The following KIF5B variants were observed in gnomAD, a reference collection of about 807,000 sequenced individuals.
The protein encoded by KIF5B is kinesin-1 heavy chain.
Under a neutral mutation model 132.8 loss-of-function variants are expected in KIF5B, and 49 were observed. The ratio of observed to expected loss-of-function variants is 0.37; its 90% CI spans 0.29 to 0.47. KIF5B has a LOEUF of 0.47. KIF5B is among the 20% of genes least tolerant of loss of function. KIF5B has a pLI of 1.00. For synonymous variants in KIF5B, 355 were observed against 369.4 expected (o/e 0.96, Z 0.45); for missense variants, 780 against 1,144.0 (o/e 0.68, Z 4.59).
Position 32,012,737 on chromosome 10 carries a change from T to A in KIF5B, c.*21-1221A>T, listed in dbSNP as rs1464480872. On this transcript the variant is annotated intron_variant, in intron 25 of 25. Transcript: ENST00000302418. ...TCCTCTCTCTACAATGAGGTAAGTT[T>A]AAAGTTGACATATGAATTTTAATGT... Among the ~76,000 whole-genome samples, 3 of 152,286 alleles carry A rather than the reference T, an allele frequency of 2.0e-5. No homozygotes were observed. The East Asian group carries it at 5.8e-4, about 29-fold the overall frequency.
chr10:32,015,426 T>C (rs569386112), intron 25 of KIF5B, 83 bp downstream of exon 25: 1 of 1,042,138 alleles, frequency 9.6e-7, no homozygotes, highest in South Asian at 1.8e-5. Context: ...AACACTAATG[T>C]GAGAATTTTT....
At chr10:32,046,029 C>T (rs1033476124) in intron 2 of KIF5B, among the ~76,000 whole-genome samples, 2 of 152,004 alleles carry the variant, frequency 1.3e-5, no homozygotes, top group Non-Finnish European at 2.9e-5. Flanking sequence ...ATAGACTTAT[C>T]AAATGTGCTG....
rs958903131 is a variant in KIF5B at position 32,034,318 on chromosome 10, G to C, written c.1112-280C>G. 3.9e-5 allele frequency among the ~76,000 whole-genome samples: 6 copies of C among 152,064 alleles called. No individual in the cohort carries two copies. In the East Asian group the frequency reaches 7.7e-4, roughly 20 times the overall value. ...GTAGAGATGGGGTTTCAACATGTTG[G>C]CCAGGCTGGTCTCTAACTCCTGACC... is the stretch of plus-strand genomic sequence containing the variant. On this transcript the variant is annotated intron_variant, in intron 11 of 25. Transcript: ENST00000302418.
intron 5 of KIF5B, among the ~76,000 whole-genome samples, 173 bp downstream of exon 5, chr10:32,038,605 C>G (rs925576390): frequency 1.1e-4 from 17 of 152,100 alleles, no homozygotes; most frequent in Admixed American, 9.2e-4. Flanking sequence ...TCGCTTTAAA[C>G]TAGTTATTCT....
chr10:32,034,836 G>A lies in KIF5B; in HGVS notation c.965C>T (p.Ala322Val). The change falls in exon 11 of 26, where the codon GCC (alanine) becomes GTC (valine). Residue 322 changes from alanine (A) to valine (V), a missense_variant and splice_region_variant. This residue lies in a region of KIF5B where 15 missense variants were observed against 34.4 expected (regional missense o/e 0.44). Coordinates refer to ENST00000302418, the MANE Select transcript of KIF5B (RefSeq NM_004521.3). Reference protein sequence around the residue: ...TKSTLLFGQRAKTIKNTVCVN... With the variant: ...TKSTLLFGQRVKTIKNTVCVN... Reference sequence around the variant, plus strand: ...ACAAACTGTGTTCTTAATTGTTTTGGCCCTAAGAGATGTAATTGGAGGAAA... The same window carrying A: ...ACAAACTGTGTTCTTAATTGTTTTGACCCTAAGAGATGTAATTGGAGGAAA... 1 of 1,571,450 alleles carries A rather than the reference G, an allele frequency of 6.4e-7. No homozygotes were observed. Among genetic ancestry groups the A allele is most frequent in the Non-Finnish European group, 8.6e-7 (1 of 1,165,094 alleles).
chr10:32,034,436 C>G (rs758619491), intron 11 of KIF5B, among the ~76,000 whole-genome samples: 2 of 152,148 alleles, frequency 1.3e-5, no homozygotes, highest in Non-Finnish European at 2.9e-5. Flanking sequence ...TTTTTCTTCT[C>G]TGTGTTATTT....
Position 32,056,409 on chromosome 10 carries a change from G to C in KIF5B, c.-436C>G. ...CCGACTGCTGCCCGATCACTCCTGAGGCCGCCGTTGGGCGACAGGGCGGTG... is the reference window on the plus strand; with the variant it reads ...CCGACTGCTGCCCGATCACTCCTGACGCCGCCGTTGGGCGACAGGGCGGTG... On this transcript the variant is annotated 5_prime_UTR_variant, in exon 1 of 26. Transcript: ENST00000302418. The C allele has an allele frequency of 5.6e-6, 1 of 178,120 alleles. No individual in the cohort carries two copies. Among genetic ancestry groups the C allele is most frequent in the Non-Finnish European group, 1.2e-5 (1 of 83,610 alleles). The allele number at this position is 178,120 out of a possible 1,614,324, so 11.0% of individuals were successfully genotyped here.
chr10:32,035,703 T>C (rs1411019382), intron 9 of KIF5B, 36 bp from the exon 10 acceptor site: 2 of 1,562,536 alleles, frequency 1.3e-6, no homozygotes, highest in Admixed American at 1.9e-5. Flanking sequence ...ACAAGACCAG[T>C]ATAATAAAAT....
At chr10:32,055,714 A>ACCGGCAAACCCCGCCGGGGAGGG in intron 1 of KIF5B, 134 bp downstream of exon 1, 1 of 1,246,442 alleles carries the variant, frequency 8.0e-7, no homozygotes, top group Non-Finnish European at 1.1e-6. Flanking sequence ...GGTTATCTGA[A>ACCGGCAAACCCCGCCGGGGAGGG]CCGGCAAACC....
At chr10:32,024,744 G>C (rs900527599) in intron 15 of KIF5B, among the ~76,000 whole-genome samples, 1 of 151,630 alleles carries the variant, frequency 6.6e-6, no homozygotes, top group Non-Finnish European at 1.5e-5. Context: ...CAACCTAGGC[G>C]ACAGAGCGAG....
intron 2 of KIF5B, among the ~76,000 whole-genome samples, chr10:32,043,355 A>G (rs1490215964): frequency 6.6e-6 from 1 of 152,152 alleles, no homozygotes; most frequent in African/African-American, 2.4e-5. Flanking sequence ...TGAGACACAG[A>G]GAGGTTAAAT....
intron 5 of KIF5B, 45 bp from the exon 6 acceptor site, chr10:32,038,263 T>TA: frequency 7.8e-7 from 1 of 1,279,418 alleles, no homozygotes; most frequent in Non-Finnish European, 1.1e-6. Context: ...CTAAAACTCT[T>TA]AACACTGGAT....
rs1841427650 is a variant in KIF5B, at chr10:32,033,646, A to G, written c.1305+199T>C. Among the ~76,000 whole-genome samples, 3 of 152,342 alleles carry G rather than the reference A, an allele frequency of 2.0e-5. No individual in the cohort carries two copies. The South Asian group carries it at 6.2e-4, about 32-fold the overall frequency. ...GAGGGGGAAGAAAAGATACATGCTC[A>G]TACAGTTTCCACACAGAAATTGAAA... On this transcript the variant is annotated intron_variant, in intron 12 of 25. Coordinates refer to ENST00000302418, the MANE Select transcript of KIF5B (RefSeq NM_004521.3).
At chr10:32,032,972 CA>C (rs1841420023) in intron 12 of KIF5B, among the ~76,000 whole-genome samples, 198 bp from the exon 13 acceptor site, 1 of 152,174 alleles carries the variant, frequency 6.6e-6, no homozygotes, top group Non-Finnish European at 1.5e-5. Flanking sequence ...TTATAATGGT[CA>C]TGTACTTCGA....
At chr10:32,035,225 A>C (rs1171289802) in intron 10 of KIF5B, among the ~76,000 whole-genome samples, 1 of 152,200 alleles carries the variant, frequency 6.6e-6, no homozygotes. Context: ...TTAACAGAGG[A>C]TTATGTTTGC....
At chr10:32,045,598 A>G (rs772194200) in intron 2 of KIF5B, among the ~76,000 whole-genome samples, 6 of 152,252 alleles carry the variant, frequency 3.9e-5, no homozygotes, top group African/African-American at 1.2e-4. Flanking sequence ...GCCAAAGAGA[A>G]CAAAGGTAAT....
At chr10:32,043,438 C>T (rs1841568355) in intron 2 of KIF5B, among the ~76,000 whole-genome samples, 1 of 152,134 alleles carries the variant, frequency 6.6e-6, no homozygotes, top group Admixed American at 6.5e-5. Flanking sequence ...TTCCAGAGAC[C>T]TGCTCTTAAC....
At chr10:32,033,098 A>G (rs1841421492) in intron 12 of KIF5B, among the ~76,000 whole-genome samples, 1 of 152,156 alleles carries the variant, frequency 6.6e-6, no homozygotes, top group Non-Finnish European at 1.5e-5. Flanking sequence ...TTAGTTTGCT[A>G]TTATTCATAC....
At chr10:32,037,190 T>G in intron 8 of KIF5B, 64 bp downstream of exon 8, 1 of 1,509,174 alleles carries the variant, frequency 6.6e-7, no homozygotes, top group East Asian at 2.3e-5. Context: ...CCTGCGTAAC[T>G]CCCAACTCAA....
Sources: gnomAD v4.1 joint callset for allele counts (sites outside exome capture counted in the v4.1 genomes callset) on GRCh38, gnomAD v4.1.1 for gene constraint, gnomAD v4.1.1 regional missense constraint, MANE v1.5 for transcripts, NCBI Gene and HGNC (gene_info 2026-07-23, HGNC 2026-07-21) for gene names.